The following PCCA variants were observed in gnomAD, a reference collection of about 807,000 sequenced individuals.
The protein encoded by PCCA is propionyl-CoA carboxylase subunit alpha.
PCCA carries 74 observed loss-of-function variants against 101.3 expected under a neutral mutation model. The ratio of observed to expected loss-of-function variants is 0.73; its 90% CI spans 0.61 to 0.89. The LOEUF is 0.89. Ranked by LOEUF, PCCA falls within the 40% of genes least tolerant of loss-of-function variation. PCCA has a pLI of 0.00. For synonymous variants in PCCA, 294 were observed against 313.6 expected, an observed-to-expected ratio of 0.94 and a Z score of 0.66; for missense variants, 891 against 907.0, an observed-to-expected ratio of 0.98 and a Z score of 0.23.
intron 12 of PCCA, among the ~76,000 whole-genome samples, chr13:100,279,501 G>GTGAC (rs1325640522): frequency 6.6e-6 from 1 of 151,852 alleles, no homozygotes. Flanking sequence ...TTTTGAGACG[G>GTGAC]AGTCTTGCTC....
intron 8 of PCCA, among the ~76,000 whole-genome samples, chr13:100,251,818 T>G (rs538574702): frequency 6.6e-6 from 1 of 152,378 alleles, no homozygotes; most frequent in Admixed American, 6.5e-5. Context: ...AACTATGTTG[T>G]ATTTAAGATT....
At chr13:100,150,702 C>A in intron 4 of PCCA, 15 of 1,565,540 alleles carry the variant, frequency 9.6e-6, no homozygotes, top group Non-Finnish European at 1.3e-5. Context: ...GTGAGGATAA[C>A]CTCAAAAAAT....
chr13:100,410,533 G>T (rs145288597), intron 19 of PCCA, among the ~76,000 whole-genome samples: 3 of 152,282 alleles, frequency 2.0e-5, no homozygotes, highest in African/African-American at 7.2e-5. Context: ...GAGCCACCAC[G>T]CCCAGCCTGC....
At chr13:100,421,265 T>A (rs2078729715) in intron 19 of PCCA, among the ~76,000 whole-genome samples, 2 of 152,054 alleles carry the variant, frequency 1.3e-5, no homozygotes, top group South Asian at 4.1e-4. Flanking sequence ...AAAGTCCAAA[T>A]GGATTTGTGG....
intron 4 of PCCA, among the ~76,000 whole-genome samples, chr13:100,137,532 A>T (rs1243086008): frequency 6.6e-6 from 1 of 152,202 alleles, no homozygotes; most frequent in African/African-American, 2.4e-5. Context: ...GAACATACAC[A>T]TTAAGGATTA....
chr13:100,134,597 C>T (rs375943684), intron 4 of PCCA, among the ~76,000 whole-genome samples: 2 of 152,156 alleles, frequency 1.3e-5, no homozygotes, highest in African/African-American at 2.4e-5. Context: ...TGCTCTGTTG[C>T]CCAGGCTGGA....
intron 1 of PCCA, among the ~76,000 whole-genome samples, chr13:100,094,435 G>A (rs1566449674): frequency 6.6e-6 from 1 of 152,050 alleles, no homozygotes; most frequent in Admixed American, 6.6e-5. Flanking sequence ...TATTTTAAAT[G>A]CCTATTGACA....
At chr13:100,434,740 T>C (rs2079806526) in intron 20 of PCCA, among the ~76,000 whole-genome samples, 1 of 152,196 alleles carries the variant, frequency 6.6e-6, no homozygotes, top group Non-Finnish European at 1.5e-5. Flanking sequence ...TAGTAATAAG[T>C]CCTTGCCTCA....
chr13:100,517,140 C>T (rs939055881), intron 22 of PCCA, among the ~76,000 whole-genome samples: 7 of 139,944 alleles, frequency 5.0e-5, no homozygotes, highest in Admixed American at 3.5e-4. Flanking sequence ...GAATCCAAAC[C>T]GGAGTGGAGG....
At chr13:100,360,849 C>A (rs571554819) in intron 18 of PCCA, among the ~76,000 whole-genome samples, 1 of 152,256 alleles carries the variant, frequency 6.6e-6, no homozygotes, top group African/African-American at 2.4e-5. Context: ...ACACTAAAAC[C>A]TGCACGTGAA....
intron 8 of PCCA, among the ~76,000 whole-genome samples, chr13:100,249,071 A>G (rs2061613477): frequency 3.3e-5 from 5 of 152,132 alleles, no homozygotes; most frequent in Admixed American, 2.6e-4. Flanking sequence ...TATTCTTTTA[A>G]GAATGTTATT....
chr13:100,293,463 A>G (rs1021194223), intron 12 of PCCA, among the ~76,000 whole-genome samples: 4 of 152,240 alleles, frequency 2.6e-5, no homozygotes, highest in Non-Finnish European at 5.9e-5. Flanking sequence ...AACAAATACC[A>G]TATTCTAATT....
intron 1 of PCCA, among the ~76,000 whole-genome samples, chr13:100,101,104 G>A (rs187621675): frequency 3.6e-4 from 55 of 152,110 alleles, no homozygotes; most frequent in African/African-American, 1.3e-3. Context: ...TGCCCGGCCC[G>A]AGTTCTACTT....
At chr13:100,238,198 C>T (rs532628914) in intron 8 of PCCA, among the ~76,000 whole-genome samples, 1 of 152,038 alleles carries the variant, frequency 6.6e-6, no homozygotes. Flanking sequence ...CCTCAGCCTC[C>T]CAAAGTGCCG....
chr13:100,311,251 T>TA (rs2066892732), intron 16 of PCCA, among the ~76,000 whole-genome samples: 1 of 151,984 alleles, frequency 6.6e-6, no homozygotes, highest in Non-Finnish European at 1.5e-5. Context: ...AAAAAATTTT[T>TA]TTTTAAATAA....
chr13:100,476,503 A>G (rs2083429473), intron 21 of PCCA, among the ~76,000 whole-genome samples: 1 of 152,226 alleles, frequency 6.6e-6, no homozygotes, highest in South Asian at 2.1e-4. Flanking sequence ...CCAAGTCACT[A>G]GTTTGAAATT....
At chr13:100,223,177 C>A (rs2059923519) in intron 7 of PCCA, among the ~76,000 whole-genome samples, 1 of 149,110 alleles carries the variant, frequency 6.7e-6, no homozygotes, top group Admixed American at 6.7e-5. Flanking sequence ...TTTTTTAAAT[C>A]AATGAATAAC....
intron 20 of PCCA, among the ~76,000 whole-genome samples, chr13:100,438,653 T>C (rs1256129100): frequency 6.6e-6 from 1 of 151,906 alleles, no homozygotes; most frequent in Non-Finnish European, 1.5e-5. Flanking sequence ...GCATATAAGC[T>C]CTGGGTCTGG....
At chr13:100,319,155 G>A (rs201961786) in intron 16 of PCCA, among the ~76,000 whole-genome samples, 2 of 151,728 alleles carry the variant, frequency 1.3e-5, no homozygotes, top group Non-Finnish European at 2.9e-5. Flanking sequence ...GTCTGTTCAT[G>A]TCCTTCGCCC....
Sources: gnomAD v4.1 joint callset for allele counts (sites outside exome capture counted in the v4.1 genomes callset) on GRCh38, gnomAD v4.1.1 for gene constraint, MANE v1.5 for transcripts, NCBI Gene and HGNC (gene_info 2026-07-23, HGNC 2026-07-21) for gene names.